The following DMD variants were observed in gnomAD, a reference collection of about 807,000 sequenced individuals.
DMD encodes dystrophin, also known as mutant dystrophin.
In DMD, 63 loss-of-function variants were observed where a neutral mutation model predicts 330.1. The observed-to-expected ratio is 0.19, with a 90% confidence interval of 0.16 to 0.24. The LOEUF is 0.24. Ranked by LOEUF, DMD falls within the 10% of genes least tolerant of loss-of-function variation. The pLI, the probability that DMD is intolerant of heterozygous loss-of-function variation, is 1.00. For missense variants in DMD, 3,344 were observed against 2,684.1 expected (o/e 1.25, Z -5.43); for synonymous variants, 1,223 against 959.8 (o/e 1.27, Z -5.07).
At chrX:32,554,943 G>GAAAGAAAGAAAGAA (rs1569190988) in intron 16 of DMD, among the ~76,000 whole-genome samples, 1 of 18,296 alleles carries the variant, frequency 5.5e-5, no homozygotes, top group African/African-American at 5.1e-4. Flanking sequence ...GAAAGAAAGA[G>GAAAGAAAGAAAGAA]AGAGAGAGGG....
At chrX:31,498,934 T>C (rs2070138407) in intron 56 of DMD, among the ~76,000 whole-genome samples, 1 of 112,128 alleles carries the variant, frequency 8.9e-6, no homozygotes, top group Non-Finnish European at 1.9e-5. Context: ...AGTTACCACT[T>C]TTCCATGATA....
chrX:32,946,080 A>G (rs1647920409), intron 2 of DMD, among the ~76,000 whole-genome samples: 1 of 111,600 alleles, frequency 9.0e-6, no homozygotes, highest in African/African-American at 3.2e-5. Context: ...ATTCATACTT[A>G]GTTGTTTGAA....
intron 4 of DMD, among the ~76,000 whole-genome samples, chrX:32,843,290 G>A (rs1460686479): frequency 1.8e-5 from 2 of 112,190 alleles, no homozygotes; most frequent in Non-Finnish European, 3.8e-5. Flanking sequence ...ATATTTCAAA[G>A]ACATTTTCTT....
chrX:32,699,350 A>C, intron 7 of DMD, 57 bp from the exon 8 acceptor site: 1 of 923,954 alleles, frequency 1.1e-6, no homozygotes. Flanking sequence ...GAGACTCTAA[A>C]AGGATAATGA....
intron 30 of DMD, among the ~76,000 whole-genome samples, chrX:32,401,960 T>C (rs769977708): frequency 8.9e-6 from 1 of 112,375 alleles, no homozygotes. Flanking sequence ...TGCCTAGAAA[T>C]AATTGGGAGA....
intron 1 of DMD, among the ~76,000 whole-genome samples, chrX:33,338,619 C>G (rs1429698120): frequency 1.8e-5 from 2 of 111,186 alleles, no homozygotes; most frequent in African/African-American, 3.3e-5. Flanking sequence ...CATAGACCAG[C>G]TGGGTCGACA....
At chrX:32,327,770 T>C (rs1016984749) in intron 41 of DMD, among the ~76,000 whole-genome samples, 2 of 111,588 alleles carry the variant, frequency 1.8e-5, no homozygotes, top group African/African-American at 6.5e-5. Flanking sequence ...TTACAAGTTT[T>C]AACTCTAAAA....
chrX:31,242,133 G>A (rs752722515), intron 63 of DMD, among the ~76,000 whole-genome samples: 45 of 108,534 alleles, frequency 4.1e-4, no homozygotes, highest in Non-Finnish European at 7.8e-4. Flanking sequence ...GTGTGTGCCT[G>A]TAGTCCCAGC....
chrX:33,191,646 A>T (rs1453399139), intron 1 of DMD, among the ~76,000 whole-genome samples: 1 of 110,686 alleles, frequency 9.0e-6, no homozygotes, highest in African/African-American at 3.3e-5. Flanking sequence ...CTGGTCTCGA[A>T]CTCCTGGCCT....
intron 51 of DMD, among the ~76,000 whole-genome samples, chrX:31,730,283 T>C (rs897735781): frequency 9.0e-6 from 1 of 111,727 alleles, no homozygotes; most frequent in African/African-American, 3.3e-5. Flanking sequence ...TGCCTGTCCG[T>C]AAGAATCACC....
intron 1 of DMD, among the ~76,000 whole-genome samples, chrX:33,257,587 T>G (rs1310258658): frequency 9.0e-6 from 1 of 111,385 alleles, no homozygotes; most frequent in Non-Finnish European, 1.9e-5. Flanking sequence ...TGCTGTTTTA[T>G]TAATACTTGG....
At chrX:31,583,965 G>A (rs1357374751) in intron 55 of DMD, among the ~76,000 whole-genome samples, 2 of 92,021 alleles carry the variant, frequency 2.2e-5, no homozygotes, top group Non-Finnish European at 4.1e-5. Flanking sequence ...GTGTCCATGT[G>A]TTCTCATTGT....
At position 32,996,208 on chromosome X, in the gene DMD, T is replaced by C. The variant is rs965481952; in HGVS notation, c.93+23931A>G. On this transcript the variant is annotated intron_variant, in intron 2 of 78. Transcript: ENST00000357033. ...ATAATGACAAGGAGCATAAATCACG[T>C]CTTAGATGGTGCCACAAAATACAAA... 3.6e-5 allele frequency among the ~76,000 whole-genome samples: 4 copies of C among 111,365 alleles called. No homozygotes were observed. The Admixed American group carries it at 3.8e-4, about 11-fold the overall frequency.
At chrX:33,255,342 G>A (rs1263882326) in intron 1 of DMD, among the ~76,000 whole-genome samples, 2 of 110,915 alleles carry the variant, frequency 1.8e-5, no homozygotes, top group East Asian at 5.6e-4. Flanking sequence ...ATAAATGTGG[G>A]AAGTGCTTTT....
intron 44 of DMD, among the ~76,000 whole-genome samples, chrX:31,975,490 A>G (rs1286157904): frequency 2.7e-5 from 3 of 111,817 alleles, no homozygotes; most frequent in Non-Finnish European, 5.7e-5. Flanking sequence ...AGATTTGCAA[A>G]GAAAACAAAT....
chrX:31,203,998 C>G lies in DMD; in HGVS notation c.9770G>C (p.Ser3257Thr). The change falls in exon 67 of 79, where the codon AGT (serine) becomes ACT (threonine). Residue 3257 changes from serine to threonine, a missense_variant. By Grantham distance (58) the Ser-to-Thr change is moderately conservative (BLOSUM62 1). Transcript: ENST00000357033. ...GCTCCGGACACTTGGCTCAATGTTA[C>G]TGCCCCCAAAGGATGCAACTTCACC... is the stretch of plus-strand genomic sequence containing the variant. ...QLGEVASFGGSNIEPSVRSCF... is the reference protein window; with the variant it reads ...QLGEVASFGGTNIEPSVRSCF... 8.3e-7 allele frequency: 1 copy of G among 1,210,701 alleles called. No individual in the cohort carries two copies. Among genetic ancestry groups the G allele is most frequent in the Non-Finnish European group, 1.1e-6 (1 of 894,173 alleles).
chrX:32,312,882 T>C (rs1303033027), intron 41 of DMD, among the ~76,000 whole-genome samples: 46 of 96,341 alleles, frequency 4.8e-4, no homozygotes, highest in African/African-American at 1.4e-3. Context: ...CAGGAAGAAG[T>C]TGAATCCCTG....
At chrX:31,823,650 G>A (rs748872894) in intron 49 of DMD, among the ~76,000 whole-genome samples, 22 of 109,923 alleles carry the variant, frequency 2.0e-4, no homozygotes, top group African/African-American at 6.3e-4. Context: ...GCAAGATCTC[G>A]GCTCACTGCA....
chrX:31,470,179 C>T (rs7885399), intron 59 of DMD, among the ~76,000 whole-genome samples: 13,028 of 110,784 alleles, frequency 0.12, 945 homozygotes, highest in African/African-American at 0.27. Flanking sequence ...TCCGTCAATT[C>T]GTCAAACTCA....
Sources: allele counts gnomAD v4.1 joint callset (sites outside exome capture counted in the v4.1 genomes callset), GRCh38; gene constraint gnomAD v4.1.1; transcripts MANE v1.5; gene names NCBI Gene and HGNC (gene_info 2026-07-23, HGNC 2026-07-21).